Variants in VAV2 observed in about 807,000 individuals in gnomAD.
The protein encoded by VAV2 is guanine nucleotide exchange factor VAV2.
Under a neutral mutation model 132.5 loss-of-function variants are expected in VAV2, and 67 were observed. The ratio of observed to expected loss-of-function variants is 0.51; its 90% CI spans 0.42 to 0.62. The LOEUF (loss-of-function observed/expected upper bound fraction) is 0.62, where lower values mean the gene tolerates loss of function less well. Among genes scored for constraint, VAV2 ranks in the 20% least tolerant of loss-of-function variants. VAV2 has a pLI of 0.00. For missense variants in VAV2, 938 were observed against 1,153.6 expected, an observed-to-expected ratio of 0.81 and a Z score of 2.71; for synonymous variants, 492 against 443.5, an observed-to-expected ratio of 1.11 and a Z score of -1.37.
chr9:133,947,774 G>A (rs1006352027), intron 1 of VAV2, among the ~76,000 whole-genome samples: 3 of 151,612 alleles, frequency 2.0e-5, no homozygotes, highest in Non-Finnish European at 4.4e-5. Context: ...CATCACCAGG[G>A]CCCCCGCGCT....
intron 2 of VAV2, among the ~76,000 whole-genome samples, chr9:133,901,093 C>T (rs540149143): frequency 6.6e-6 from 1 of 150,816 alleles, no homozygotes; most frequent in East Asian, 1.9e-4. Flanking sequence ...AGCCACCGTG[C>T]CCAGCCTCTC....
At chr9:133,960,789 C>A (rs1178456136) in intron 1 of VAV2, among the ~76,000 whole-genome samples, 8 of 152,220 alleles carry the variant, frequency 5.3e-5, no homozygotes, top group African/African-American at 1.9e-4. Flanking sequence ...CAGAGAGGAG[C>A]TGCAGCCTCC....
At chr9:133,906,815 T>C (rs1008108155) in intron 2 of VAV2, among the ~76,000 whole-genome samples, 3 of 152,048 alleles carry the variant, frequency 2.0e-5, no homozygotes, top group African/African-American at 7.2e-5. Flanking sequence ...TCCTCAGCCC[T>C]CCCTTCTGAC....
intron 2 of VAV2, among the ~76,000 whole-genome samples, chr9:133,899,072 C>T (rs183195088): frequency 2.6e-3 from 389 of 152,140 alleles, no homozygotes; most frequent in African/African-American, 9.0e-3. Flanking sequence ...CCGCCCGCCT[C>T]GGCCTCCCAA....
intron 2 of VAV2, among the ~76,000 whole-genome samples, chr9:133,897,534 T>A (rs1387579630): frequency 6.6e-6 from 1 of 151,962 alleles, no homozygotes; most frequent in African/African-American, 2.4e-5. Flanking sequence ...CCTTCCTGTC[T>A]CCCCCAGCCC....
At chr9:133,766,604 CA>C (rs1386819197) in intron 29 of VAV2, among the ~76,000 whole-genome samples, 1 of 151,480 alleles carries the variant, frequency 6.6e-6, no homozygotes, top group Non-Finnish European at 1.5e-5. Flanking sequence ...AGGGGAACAT[CA>C]CACTGGAGGG....
At chr9:133,777,964 C>T (rs528679950) in intron 22 of VAV2, among the ~76,000 whole-genome samples, 2 of 152,252 alleles carry the variant, frequency 1.3e-5, no homozygotes, top group East Asian at 3.9e-4. Context: ...TAAGTGCCCT[C>T]GAGGCCCCGT....
At chr9:133,901,934 C>T (rs531115095) in intron 2 of VAV2, among the ~76,000 whole-genome samples, 59 of 152,316 alleles carry the variant, frequency 3.9e-4, no homozygotes, top group South Asian at 1.4e-3. Context: ...GATGGGCCGA[C>T]GTCCCTACCA....
chr9:133,950,311 G>A (rs1841513754), intron 1 of VAV2, among the ~76,000 whole-genome samples: 1 of 152,122 alleles, frequency 6.6e-6, no homozygotes, highest in South Asian at 2.1e-4. Context: ...TGGGCAGCTG[G>A]GAGGCTCCTA....
intron 2 of VAV2, among the ~76,000 whole-genome samples, chr9:133,886,048 G>A (rs559966591): frequency 3.7e-4 from 56 of 152,322 alleles, no homozygotes; most frequent in South Asian, 4.1e-4. Flanking sequence ...GCTGGGGGGC[G>A]GGAAGGCCCA....
chr9:133,980,256 G>C (rs1351715165), intron 1 of VAV2, among the ~76,000 whole-genome samples: 1 of 152,190 alleles, frequency 6.6e-6, no homozygotes, highest in Non-Finnish European at 1.5e-5. Context: ...GACCTGCACG[G>C]GCTGGCACGA....
intron 1 of VAV2, among the ~76,000 whole-genome samples, chr9:133,942,650 A>G (rs898411728): frequency 1.3e-5 from 2 of 152,236 alleles, no homozygotes; most frequent in African/African-American, 4.8e-5. Context: ...AATTACACAG[A>G]TCCCAACCAT....
At position 133,775,063 on chromosome 9, in the gene VAV2, G is replaced by C. The variant is rs369885896; in HGVS notation, c.2019-12C>G. 49 of 1,595,036 alleles carry C rather than the reference G, an allele frequency of 3.1e-5. 2 individuals are homozygous for C. In the African/African-American group the frequency reaches 6.0e-4, roughly 20 times the overall value. ...TGTTACCTGCAAACCTACAGGAGGG[G>C]GCCGGGAGGAAACGAGAGCCGCAGT... On this transcript the variant is annotated splice_polypyrimidine_tract_variant and intron_variant, in intron 24 of 29. Transcript: ENST00000371850.
In VAV2 at chr9:133,768,099, C is replaced by T. The variant is rs1833495098; in HGVS notation, c.2589+343G>A. Among the ~76,000 whole-genome samples, 1 of 152,120 alleles carries T rather than the reference C, an allele frequency of 6.6e-6. No homozygotes were observed. Among genetic ancestry groups the T allele is most frequent in the Admixed American group, 6.5e-5 (1 of 15,276 alleles). ...GTCCTGTGACCTCCCTTCCCGCAAA[C>T]AGAGCTTGGGGACTTGCAAGTAATT... On this transcript the variant is annotated intron_variant, in intron 29 of 29. Coordinates refer to ENST00000371850, the MANE Select transcript of VAV2 (RefSeq NM_001134398.2). This position sits in a 1 kb window ranked among gnomAD's most constrained non-coding sequence, Gnocchi z 5.3.
At position 133,991,666 on chromosome 9, in the gene VAV2, G is replaced by A. The variant is rs1843023747; in HGVS notation, c.204+409C>T. Among the ~76,000 whole-genome samples, 1 of 151,330 alleles carries A rather than the reference G, an allele frequency of 6.6e-6. No individual in the cohort carries two copies. The highest frequency in any genetic ancestry group is 6.6e-5 in the Admixed American group (1 of 15,180). ...CGACCGCGCCCGCTCTTCCACCGGC[G>A]TCCGGCCAGGAGGCGCGAGGCCCAA... On this transcript the variant is annotated intron_variant, in intron 1 of 29. Transcript: ENST00000371850. The surrounding 1 kb of genome is among the most constrained non-coding windows in gnomAD (Gnocchi z 4.8).
rs1839919321 is a variant in VAV2, at chr9:133,912,491, C to CAT, written c.321+26610_321+26611dup. Among the ~76,000 whole-genome samples, 2 of 152,158 alleles carry CAT rather than the reference C, an allele frequency of 1.3e-5. No individual in the cohort carries two copies. On this transcript the variant is annotated intron_variant, in intron 2 of 29. Coordinates refer to ENST00000371850, the MANE Select transcript of VAV2 (RefSeq NM_001134398.2). This position sits in a 1 kb window ranked among gnomAD's most constrained non-coding sequence, Gnocchi z 4.3. ...CAACATGTCAGGGTATATCAACACCCATATGTCACTGGTGCTGGGTCCGAG... is the reference window on the plus strand; with the variant it reads ...CAACATGTCAGGGTATATCAACACCCATATATGTCACTGGTGCTGGGTCCGAG...
chr9:133,982,954 C>A (rs1199228188), intron 1 of VAV2, among the ~76,000 whole-genome samples: 2 of 152,222 alleles, frequency 1.3e-5, no homozygotes, highest in African/African-American at 4.8e-5. Context: ...CAGAGACCGT[C>A]TGGCTCAAGA....
At chr9:133,803,002 AC>A (rs1834994500) in intron 9 of VAV2, among the ~76,000 whole-genome samples, 1 of 152,070 alleles carries the variant, frequency 6.6e-6, no homozygotes, top group African/African-American at 2.4e-5. Flanking sequence ...GGCCAAGCCA[AC>A]CCCTACTGGG....
intron 2 of VAV2, among the ~76,000 whole-genome samples, chr9:133,877,954 A>ACCTGCT (rs1358154210): frequency 6.6e-6 from 1 of 152,096 alleles, no homozygotes; most frequent in Non-Finnish European, 1.5e-5. Context: ...TCAACTCCAC[A>ACCTGCT]CCTGCTCCTG....
Sources: allele counts gnomAD v4.1 joint callset (sites outside exome capture counted in the v4.1 genomes callset), GRCh38; gene constraint gnomAD v4.1.1; non-coding constraint Gnocchi (gnomAD v3.1); transcripts MANE v1.5; gene names NCBI Gene and HGNC (gene_info 2026-07-23, HGNC 2026-07-21).